Variants in ST8SIA6 observed in about 807,000 individuals in gnomAD.
ST8SIA6 encodes the protein ST8 alpha-N-acetyl-neuraminide alpha-2,8-sialyltransferase 6.
ST8SIA6 carries 39 observed loss-of-function variants against 33.6 expected under a neutral mutation model. That is an observed-to-expected ratio of 1.16 (90% CI 0.90 to 1.52). The LOEUF is 1.52. Ranked by LOEUF, ST8SIA6 falls within the 40% of genes most tolerant of loss-of-function variation. The pLI is 0.00. For synonymous variants in ST8SIA6, 172 were observed against 167.2 expected, an observed-to-expected ratio of 1.03 and a Z score of -0.22; for missense variants, 441 against 443.8, an observed-to-expected ratio of 0.99 and a Z score of 0.06.
chr10:17,413,749 C>T (rs549057808), intron 2 of ST8SIA6, among the ~76,000 whole-genome samples: 1 of 152,242 alleles, frequency 6.6e-6, no homozygotes, highest in South Asian at 2.1e-4. Context: ...TGATTTTGTT[C>T]ATGATAGTTG....
chr10:17,335,239 T>G lies in ST8SIA6; in HGVS notation c.378-3687A>C, dbSNP rs1201686045. ...CTTAAAAATCTGTATCCAAGCCAGA[T>G]CCAGTCATAAGACAAGAGTCAGTGA... On this transcript the variant is annotated intron_variant, in intron 4 of 7. Coordinates refer to ENST00000377602, the MANE Select transcript of ST8SIA6 (RefSeq NM_001004470.3). Among the ~76,000 whole-genome samples the G allele has an allele frequency of 3.3e-5, 5 of 152,314 alleles. No individual in the cohort carries two copies. The East Asian group carries it at 9.6e-4, about 29-fold the overall frequency.
intron 3 of ST8SIA6, among the ~76,000 whole-genome samples, chr10:17,376,134 C>T (rs977668484): frequency 2.6e-5 from 4 of 152,114 alleles, no homozygotes; most frequent in African/African-American, 4.8e-5. Flanking sequence ...AGGGTCAGTC[C>T]CAGATGGCAG....
chr10:17,448,105 T>C (rs898853541), intron 2 of ST8SIA6, among the ~76,000 whole-genome samples: 2 of 152,076 alleles, frequency 1.3e-5, no homozygotes, highest in Admixed American at 6.6e-5. Context: ...CTGGCCTAGT[T>C]TGAGGATTTC....
chr10:17,427,829 G>A (rs1049398366), intron 2 of ST8SIA6, among the ~76,000 whole-genome samples: 4 of 152,206 alleles, frequency 2.6e-5, no homozygotes, highest in South Asian at 2.1e-4. Context: ...CTTGCACTTC[G>A]TCCTTTATTC....
intron 6 of ST8SIA6, among the ~76,000 whole-genome samples, chr10:17,323,539 C>T (rs1588776071): frequency 6.6e-6 from 1 of 151,818 alleles, no homozygotes; most frequent in Non-Finnish European, 1.5e-5. Flanking sequence ...GGACTAAAGG[C>T]ATGCACCAAG....
At chr10:17,332,771 T>C (rs906791841) in intron 4 of ST8SIA6, among the ~76,000 whole-genome samples, 1 of 152,226 alleles carries the variant, frequency 6.6e-6, no homozygotes, top group South Asian at 2.1e-4. Flanking sequence ...GGGCCTGAGA[T>C]GGTATTTCAC....
intron 2 of ST8SIA6, among the ~76,000 whole-genome samples, chr10:17,425,721 A>T (rs186067247): frequency 7.2e-6 from 1 of 138,958 alleles, no homozygotes; most frequent in East Asian, 3.4e-4. Flanking sequence ...GAAGGGAAGG[A>T]AGGAAGGAGG....
intron 2 of ST8SIA6, among the ~76,000 whole-genome samples, chr10:17,398,346 T>G (rs1850901809): frequency 1.3e-5 from 2 of 151,460 alleles, no homozygotes; most frequent in Non-Finnish European, 2.9e-5. Flanking sequence ...AAAAAAAAAT[T>G]AAGACTCTGA....
chr10:17,369,025 T>C (rs1849650278), intron 3 of ST8SIA6, among the ~76,000 whole-genome samples: 1 of 152,182 alleles, frequency 6.6e-6, no homozygotes, highest in South Asian at 2.1e-4. Context: ...CTCACAAAAT[T>C]AGAATCTATA....
At chr10:17,391,333 C>A (rs890232783) in intron 2 of ST8SIA6, among the ~76,000 whole-genome samples, 3 of 151,976 alleles carry the variant, frequency 2.0e-5, no homozygotes, top group Admixed American at 6.6e-5. Flanking sequence ...TGCATCTCGA[C>A]TCACTGCAAG....
intron 4 of ST8SIA6, among the ~76,000 whole-genome samples, chr10:17,345,888 TTCTC>T (rs1249360245): frequency 6.6e-6 from 1 of 152,142 alleles, no homozygotes; most frequent in African/African-American, 2.4e-5. Context: ...CATCAACTCT[TTCTC>T]TCCCTACATG....
intron 4 of ST8SIA6, among the ~76,000 whole-genome samples, chr10:17,344,499 A>G (rs1431452342): frequency 6.6e-6 from 1 of 152,180 alleles, no homozygotes; most frequent in Non-Finnish European, 1.5e-5. Flanking sequence ...CACTACCATG[A>G]GAACAGTATG....
intron 2 of ST8SIA6, among the ~76,000 whole-genome samples, chr10:17,416,020 CT>C (rs1193320546): frequency 6.6e-6 from 1 of 151,898 alleles, no homozygotes; most frequent in Non-Finnish European, 1.5e-5. Flanking sequence ...GTTGCCCAGG[CT>C]GGTCTTGAAC....
intron 2 of ST8SIA6, among the ~76,000 whole-genome samples, chr10:17,440,000 C>T (rs1332426220): frequency 1.3e-5 from 2 of 152,132 alleles, no homozygotes; most frequent in Admixed American, 1.3e-4. Flanking sequence ...ACTCCCAGTG[C>T]CAACAATCTT....
At chr10:17,389,854 G>C (rs1000091975) in intron 3 of ST8SIA6, among the ~76,000 whole-genome samples, 1 of 151,996 alleles carries the variant, frequency 6.6e-6, no homozygotes, top group African/African-American at 2.4e-5. Flanking sequence ...ACAGGATTTC[G>C]GTCTGTCACC....
rs1848565332 is a variant in ST8SIA6 at position 17,338,110 on chromosome 10, C to G, written c.378-6558G>C. 2.0e-5 allele frequency among the ~76,000 whole-genome samples: 3 copies of G among 150,076 alleles called. No individual in the cohort carries two copies. In the Admixed American group the frequency reaches 2.0e-4, roughly 10 times the overall value. On this transcript the variant is annotated intron_variant, in intron 4 of 7. Transcript: ENST00000377602. ...AGTGCAATGGCGCGATCTCAGCTCACCACAACCTCCACCTCCCGGGTTCAA... is the reference window on the plus strand; with the variant it reads ...AGTGCAATGGCGCGATCTCAGCTCAGCACAACCTCCACCTCCCGGGTTCAA...
At chr10:17,440,019 T>C (rs910644346) in intron 2 of ST8SIA6, among the ~76,000 whole-genome samples, 11 of 152,156 alleles carry the variant, frequency 7.2e-5, no homozygotes, top group Non-Finnish European at 1.6e-4. Context: ...TTAAATCAGA[T>C]GCCAGCTCTG....
intron 3 of ST8SIA6, among the ~76,000 whole-genome samples, chr10:17,362,484 T>C (rs1175364639): frequency 1.3e-5 from 2 of 152,208 alleles, no homozygotes; most frequent in African/African-American, 4.8e-5. Flanking sequence ...TAAATTGATA[T>C]ACTTTTTTAA....
At chr10:17,386,911 C>G (rs436299) in intron 3 of ST8SIA6, 51,011 of 152,250 alleles carry the variant, frequency 0.34, 10,012 homozygotes, top group East Asian at 0.64. Context: ...TGACGTAAGC[C>G]GCCTTGCGCC....
Sources: allele counts gnomAD v4.1 joint callset (sites outside exome capture counted in the v4.1 genomes callset), GRCh38; gene constraint gnomAD v4.1.1; transcripts MANE v1.5; gene names NCBI Gene and HGNC (gene_info 2026-07-23, HGNC 2026-07-21).